Variants in HIP1R observed in about 807,000 individuals in gnomAD.
HIP1R encodes the protein huntingtin interacting protein 1 related.
A neutral mutation model predicts 144.2 loss-of-function variants in HIP1R; 135 were observed. The ratio of observed to expected loss-of-function variants is 0.94; its 90% CI spans 0.81 to 1.08. HIP1R has a LOEUF of 1.08. HIP1R is among the 50% of genes least tolerant of loss of function. The pLI is 0.00. For synonymous variants in HIP1R, 698 were observed against 612.8 expected (o/e 1.14, Z -2.05); for missense variants, 1,462 against 1,432.8 (o/e 1.02, Z -0.33).
chr12:122,842,779 T>C (rs971314509), intron 1 of HIP1R, among the ~76,000 whole-genome samples: 2 of 152,140 alleles, frequency 1.3e-5, no homozygotes, highest in African/African-American at 4.8e-5. Context: ...CACCCTGATC[T>C]CCCCTCTTCT....
upstream of HIP1R, chr12:122,835,438 G>C: frequency 8.8e-7 from 1 of 1,142,712 alleles, no homozygotes; most frequent in Non-Finnish European, 1.1e-6. Context: ...CCTCCCCGGC[G>C]GGCGGGCCCG....
intron 8 of HIP1R, among the ~76,000 whole-genome samples, chr12:122,854,492 C>T (rs1593879548): frequency 1.3e-5 from 2 of 152,144 alleles, no homozygotes; most frequent in African/African-American, 4.8e-5. Context: ...GGGGTGCAAG[C>T]GCAAAAAGGC....
intron 1 of HIP1R, among the ~76,000 whole-genome samples, chr12:122,841,808 C>T (rs2033067494): frequency 6.6e-6 from 1 of 152,168 alleles, no homozygotes; most frequent in East Asian, 1.9e-4. Context: ...TACTGGGTGT[C>T]ACCCACAAAG....
intron 1 of HIP1R, among the ~76,000 whole-genome samples, chr12:122,835,882 C>G (rs1379498238): frequency 1.3e-5 from 2 of 150,716 alleles, no homozygotes; most frequent in African/African-American, 4.8e-5. Flanking sequence ...GCTCCCCGCT[C>G]CCGCCGGGCG....
At chr12:122,861,271 G>GAGGCT (rs765360633) in intron 30 of HIP1R, 37 bp from the exon 31 acceptor site, 2 of 1,613,512 alleles carry the variant, frequency 1.2e-6, no homozygotes, top group Admixed American at 3.3e-5. Context: ...GCTCCCTGGG[G>GAGGCT]AGGCTGGGCT....
At chr12:122,844,069 C>G (rs1044986374) in intron 1 of HIP1R, among the ~76,000 whole-genome samples, 1 of 152,132 alleles carries the variant, frequency 6.6e-6, no homozygotes, top group Admixed American at 6.5e-5. Context: ...AAACTCCTGA[C>G]CTCAAGTGAT....
intron 12 of HIP1R, 26 bp from the exon 13 acceptor site, chr12:122,855,805 T>C (rs1169378268): frequency 6.4e-7 from 1 of 1,552,488 alleles, no homozygotes. Context: ...TTGACTTAAC[T>C]TGAACCCCAG....
At chr12:122,854,769 G>A (rs577913294) in intron 8 of HIP1R, 136 bp from the exon 9 acceptor site, 213 of 837,264 alleles carry the variant, frequency 2.5e-4, no homozygotes, top group Middle Eastern at 6.2e-4. Context: ...TCCCCATCCC[G>A]ATGGGAGAGC....
Position 122,858,030 on chromosome 12 carries a change from C to T in HIP1R, c.1816-72C>T, listed in dbSNP as rs907445699. On this transcript the variant is annotated intron_variant, in intron 18 of 31. Transcript: ENST00000253083. ...GGGCTCCAACTGGTGGCCCATGGGT[C>T]ATTCCAGGGCTGGGGCACATCCTTG... 3 of 1,393,102 alleles carry T rather than the reference C, an allele frequency of 2.2e-6. No individual in the cohort carries two copies. In the Admixed American group the frequency reaches 6.8e-5, roughly 32 times the overall value. The allele number at this position is 1,393,102 out of a possible 1,614,324, so 86.3% of individuals were successfully genotyped here.
chr12:122,858,126 C>G lies in HIP1R; in HGVS notation c.1840C>G (p.Gln614Glu). 1 of 1,595,044 alleles carries G rather than the reference C, an allele frequency of 6.3e-7. No individual in the cohort carries two copies. Among genetic ancestry groups the G allele is most frequent in the Non-Finnish European group, 8.5e-7 (1 of 1,173,014 alleles). The change falls in exon 19 of 32, where the codon CAG becomes GAG. Residue 614 changes from glutamine (Q) to glutamate (E), a missense_variant. Around this residue, in one of 2 missense-constraint regions of HIP1R, gnomAD observed 1,112 missense variants for 1,011.7 expected, o/e 1.10. Transcript: ENST00000253083. ...GGAGTCTCAGGAGCAGGGGCTGCGG[C>G]AGAGGCTGCTGGACGAGCAGTTCGC... ...ERESQEQGLR[Q>E]RLLDEQFAVL...
Position 122,856,427 on chromosome 12 carries a change from T to G in HIP1R, c.1402-5T>G. ...AGAGCATGAGCCCTTCCCCTGCCCA[T>G]GCAGAACGCGGACACAGCCAAGCAG... On this transcript the variant is annotated splice_polypyrimidine_tract_variant and splice_region_variant and intron_variant, in intron 15 of 31. Coordinates refer to ENST00000253083, the MANE Select transcript of HIP1R (RefSeq NM_003959.3). 6.3e-7 allele frequency: 1 copy of G among 1,598,582 alleles called. No homozygotes were observed. Among genetic ancestry groups the G allele is most frequent in the Non-Finnish European group, 8.5e-7 (1 of 1,172,514 alleles).
chr12:122,859,948 C>T (rs994573423), intron 24 of HIP1R, 99 bp from the exon 25 acceptor site: 1 of 1,455,738 alleles, frequency 6.9e-7, no homozygotes, highest in Non-Finnish European at 9.3e-7. Context: ...AGCAGACACT[C>T]CCTCCCCACC....
rs1455772872 is a variant in HIP1R, at chr12:122,840,247, A to G, written c.93+4604A>G. Among the ~76,000 whole-genome samples, 1 of 151,996 alleles carries G rather than the reference A, an allele frequency of 6.6e-6. No individual in the cohort carries two copies. Among genetic ancestry groups the G allele is most frequent in the Non-Finnish European group, 1.5e-5 (1 of 67,990 alleles). ...CTTGACCTCCCCCTCCCTGTCTCTG[A>G]TGTGTTTTGATGCCCATGACACATT... On this transcript the variant is annotated intron_variant, in intron 1 of 31. Coordinates refer to ENST00000253083, the MANE Select transcript of HIP1R (RefSeq NM_003959.3). This position sits in a 1 kb window ranked among gnomAD's most constrained non-coding sequence, Gnocchi z 4.2.
intron 5 of HIP1R, 47 bp from the exon 6 acceptor site, chr12:122,850,788 G>T (rs775347776): frequency 6.8e-5 from 100 of 1,477,742 alleles, no homozygotes; most frequent in Admixed American, 7.6e-5. Context: ...CGCCAGGTGT[G>T]GGGGGGCCCT....
chr12:122,851,099 C>T (rs1466108634), intron 6 of HIP1R, 137 bp from the exon 7 acceptor site: 10 of 877,084 alleles, frequency 1.1e-5, no homozygotes, highest in South Asian at 7.0e-5. Context: ...GAAGGACTGT[C>T]GTCCTGGCAG....
intron 3 of HIP1R, 83 bp downstream of exon 3, chr12:122,848,691 C>G: frequency 1.3e-6 from 2 of 1,594,064 alleles, no homozygotes; most frequent in Non-Finnish European, 1.7e-6. Flanking sequence ...TTCCTGTCCC[C>G]GTAGCTCCGG....
chr12:122,835,967 C>A (rs1198614697), intron 1 of HIP1R, among the ~76,000 whole-genome samples: 1 of 148,016 alleles, frequency 6.8e-6, no homozygotes, highest in Non-Finnish European at 1.5e-5. Flanking sequence ...GGAGCTGAGG[C>A]GGCGGGGGAC....
chr12:122,847,670 G>A (rs1348705683), intron 1 of HIP1R, among the ~76,000 whole-genome samples: 2 of 152,212 alleles, frequency 1.3e-5, no homozygotes, highest in Non-Finnish European at 2.9e-5. Context: ...TTTCCCCAAG[G>A]GGAGATGGGG....
In HIP1R at chr12:122,851,270, G is replaced by A; in HGVS notation, c.550G>A (p.Asp184Asn). 6.4e-7 allele frequency: 1 copy of A among 1,556,136 alleles called. No homozygotes were observed. Among genetic ancestry groups the A allele is most frequent in the Non-Finnish European group, 8.6e-7 (1 of 1,158,784 alleles). The change falls in exon 7 of 32, where the codon GAT becomes AAT. Residue 184 changes from aspartate (D) to asparagine (N), a missense_variant. Asp to Asn is a conservative substitution (Grantham distance 23, BLOSUM62 1). Coordinates refer to ENST00000253083, the MANE Select transcript of HIP1R (RefSeq NM_003959.3). Reference protein sequence around the residue: ...QLTVEMFDYMDCELKLSESVF... With the variant: ...QLTVEMFDYMNCELKLSESVF... ...CACTGTGGAGATGTTTGATTACATGGATTGTGAGCTGAAGCTTTCTGAATC... is the reference window on the plus strand; with the variant it reads ...CACTGTGGAGATGTTTGATTACATGAATTGTGAGCTGAAGCTTTCTGAATC...
Sources: gnomAD v4.1 joint callset for allele counts (sites outside exome capture counted in the v4.1 genomes callset) on GRCh38, gnomAD v4.1.1 for gene constraint, gnomAD v4.1.1 regional missense constraint, Gnocchi (gnomAD v3.1) non-coding constraint, MANE v1.5 for transcripts, NCBI Gene and HGNC (gene_info 2026-07-23, HGNC 2026-07-21) for gene names.